Variants in SIK3 observed in about 807,000 individuals in gnomAD.
SIK3 encodes SIK family kinase 3, also known as serine/threonine-protein kinase SIK3.
SIK3 carries 28 observed loss-of-function variants against 144.2 expected under a neutral mutation model. That is an observed-to-expected ratio of 0.19 (90% CI 0.14 to 0.27). The LOEUF is 0.27. SIK3 is among the 10% of genes least tolerant of loss of function. SIK3 has a pLI of 1.00. For synonymous variants in SIK3, 686 were observed against 676.3 expected, an observed-to-expected ratio of 1.01 and a Z score of -0.22; for missense variants, 1,319 against 1,776.0, an observed-to-expected ratio of 0.74 and a Z score of 4.62.
At chr11:116,954,352 T>C (rs546189467) in intron 2 of SIK3, among the ~76,000 whole-genome samples, 41 of 152,070 alleles carry the variant, frequency 2.7e-4, no homozygotes, top group Non-Finnish European at 4.7e-4. Flanking sequence ...TTTTTGATGT[T>C]CCATGAGGTC....
chr11:116,898,204 T>A (rs1030006660), intron 4 of SIK3, among the ~76,000 whole-genome samples: 1 of 148,982 alleles, frequency 6.7e-6, no homozygotes, highest in Non-Finnish European at 1.5e-5. Flanking sequence ...AATTCCCACC[T>A]ATGAGTGAGA....
intron 1 of SIK3, among the ~76,000 whole-genome samples, chr11:117,025,574 A>T (rs1951972723): frequency 6.6e-6 from 1 of 151,906 alleles, no homozygotes; most frequent in Non-Finnish European, 1.5e-5. Flanking sequence ...GACCACAGGC[A>T]TGTTTCACCA....
intron 1 of SIK3, among the ~76,000 whole-genome samples, chr11:116,981,722 G>C (rs901486502): frequency 1.3e-5 from 2 of 152,190 alleles, no homozygotes. Context: ...TGACTAGAAA[G>C]TGTGTTTTCG....
chr11:116,919,191 C>G (rs1043095435), intron 4 of SIK3, among the ~76,000 whole-genome samples: 4 of 152,206 alleles, frequency 2.6e-5, no homozygotes, highest in Non-Finnish European at 5.9e-5. Context: ...TGGAAGGGTA[C>G]TCAAAAATCC....
At chr11:117,068,021 T>C (rs1591643951) in intron 1 of SIK3, among the ~76,000 whole-genome samples, 1 of 152,006 alleles carries the variant, frequency 6.6e-6, no homozygotes, top group East Asian at 1.9e-4. Flanking sequence ...AAAATAAATA[T>C]TAATTCTGGT....
chr11:116,918,477 T>C (rs1946788449), intron 4 of SIK3, among the ~76,000 whole-genome samples: 1 of 151,026 alleles, frequency 6.6e-6, no homozygotes, highest in South Asian at 2.1e-4. Flanking sequence ...CAACCTCTCA[T>C]TCCCCCTTTT....
chr11:117,079,072 T>G (rs577721936), intron 1 of SIK3, among the ~76,000 whole-genome samples: 118 of 152,158 alleles, frequency 7.8e-4, no homozygotes, highest in Non-Finnish European at 1.5e-3. Context: ...ATGGATTAAG[T>G]GTTTAATTGT....
chr11:117,032,156 T>C (rs1439443092), intron 1 of SIK3, among the ~76,000 whole-genome samples: 1 of 152,190 alleles, frequency 6.6e-6, no homozygotes, highest in Admixed American at 6.5e-5. Flanking sequence ...CTAGTTTCCT[T>C]GTATTTCTAC....
At chr11:117,035,583 G>A (rs903977108) in intron 1 of SIK3, among the ~76,000 whole-genome samples, 2 of 152,000 alleles carry the variant, frequency 1.3e-5, no homozygotes, top group African/African-American at 4.8e-5. Context: ...CTACATTATA[G>A]GGCTATTGTC....
intron 21 of SIK3, among the ~76,000 whole-genome samples, chr11:116,852,189 T>C (rs1942511817): frequency 1.3e-5 from 2 of 152,344 alleles, no homozygotes; most frequent in South Asian, 2.1e-4. Flanking sequence ...TTTTGGTTTG[T>C]TTGCTGTGTC....
intron 1 of SIK3, among the ~76,000 whole-genome samples, chr11:117,005,505 A>G (rs890200696): frequency 3.3e-5 from 5 of 152,174 alleles, no homozygotes; most frequent in African/African-American, 1.2e-4. Flanking sequence ...TGACTGGTTC[A>G]CTGGGTCAGT....
chr11:116,993,826 C>T (rs548655185), intron 1 of SIK3, among the ~76,000 whole-genome samples: 2 of 152,310 alleles, frequency 1.3e-5, no homozygotes, highest in African/African-American at 2.4e-5. Context: ...AGCAAAGAGA[C>T]CAATTGTCAC....
Position 116,875,957 on chromosome 11 carries a change from C to G in SIK3, c.1148G>C (p.Cys383Ser). The change falls in exon 9 of 25, where the codon TGT (cysteine) becomes TCT (serine). Residue 383 changes from cysteine to serine, a missense_variant. Transcript: ENST00000445177. ...GGTTTTATGTCTCTTATGTCGATCACACAGCAGGCTGTAGATTGCACTATA... is the reference window on the plus strand; with the variant it reads ...GGTTTTATGTCTCTTATGTCGATCAGACAGCAGGCTGTAGATTGCACTATA... ...DHYSAIYSLL[C>S]DRHKRHKTLR... 1 of 1,613,698 alleles carries G rather than the reference C, an allele frequency of 6.2e-7. No individual in the cohort carries two copies. Among genetic ancestry groups the G allele is most frequent in the Non-Finnish European group, 8.5e-7 (1 of 1,179,918 alleles).
intron 6 of SIK3, among the ~76,000 whole-genome samples, chr11:116,878,683 T>G (rs571975943): frequency 6.6e-6 from 1 of 152,250 alleles, no homozygotes; most frequent in East Asian, 1.9e-4. Context: ...CTTGGCCCCC[T>G]ACTTCCCTCT....
intron 22 of SIK3, among the ~76,000 whole-genome samples, chr11:116,848,574 G>T (rs896775679): frequency 2.0e-5 from 3 of 152,178 alleles, no homozygotes; most frequent in Non-Finnish European, 4.4e-5. Flanking sequence ...GGGCTCATTT[G>T]CTGGGGCCTG....
At chr11:117,054,872 G>A (rs577665818) in intron 1 of SIK3, among the ~76,000 whole-genome samples, 1 of 152,296 alleles carries the variant, frequency 6.6e-6, no homozygotes, top group Admixed American at 6.5e-5. Context: ...AGGCAGACAG[G>A]CAAAGCTATC....
At chr11:116,944,082 C>T (rs1453383823) in intron 3 of SIK3, among the ~76,000 whole-genome samples, 1 of 152,006 alleles carries the variant, frequency 6.6e-6, no homozygotes, top group East Asian at 1.9e-4. Context: ...ATAAGCGTAT[C>T]ACAACTAAAA....
At chr11:116,982,344 A>G (rs1950170081) in intron 1 of SIK3, among the ~76,000 whole-genome samples, 1 of 149,166 alleles carries the variant, frequency 6.7e-6, no homozygotes. Flanking sequence ...GCTGGAGTGC[A>G]GTGGGGCAAT....
Position 116,858,571 on chromosome 11 carries a change from G to A in SIK3, c.2894C>T (p.Thr965Ile). ...SPSTGVGFSP[T>I]QALKVPPLDQ... ...AAGTGGAGGGACTTTCAGGGCTTGGGTTGGAGAGAACCCCACTCCTGTTGA... is the reference window on the plus strand; with the variant it reads ...AAGTGGAGGGACTTTCAGGGCTTGGATTGGAGAGAACCCCACTCCTGTTGA... The change falls in exon 21 of 25, where the codon ACC becomes ATC. Residue 965 changes from threonine (T) to isoleucine (I), a missense_variant. Thr to Ile is a moderately conservative substitution (Grantham distance 89). Transcript: ENST00000445177. The surrounding 1 kb of genome is among the most constrained non-coding windows in gnomAD (Gnocchi z 5.4). 2 of 1,613,850 alleles carry A rather than the reference G, an allele frequency of 1.2e-6. No homozygotes were observed. The highest frequency in any genetic ancestry group is 1.1e-5 in the South Asian group (1 of 90,976).
Sources: allele counts gnomAD v4.1 joint callset (sites outside exome capture counted in the v4.1 genomes callset), GRCh38; gene constraint gnomAD v4.1.1; non-coding constraint Gnocchi (gnomAD v3.1); transcripts MANE v1.5; gene names NCBI Gene and HGNC (gene_info 2026-07-23, HGNC 2026-07-21).